Variants in RAD51B observed in about 807,000 individuals in gnomAD.
The protein encoded by RAD51B is RAD51 paralog B.
In RAD51B, 38 loss-of-function variants were observed where a neutral mutation model predicts 42.2. That is an observed-to-expected ratio of 0.90 (90% CI 0.70 to 1.18). The LOEUF is 1.18. Among genes scored for constraint, RAD51B ranks in the 50% most tolerant of loss-of-function variants. RAD51B has a pLI of 0.00. For missense variants in RAD51B, 373 were observed against 400.7 expected (o/e 0.93, Z 0.59); for synonymous variants, 154 against 145.2 (o/e 1.06, Z -0.43).
At chr14:67,854,934 C>T (rs78730769) in intron 4 of RAD51B, among the ~76,000 whole-genome samples, 2,950 of 152,328 alleles carry the variant, frequency 0.019, 44 homozygotes, top group East Asian at 0.052. Context: ...CACTGCACTT[C>T]AGCCTGGGGT....
chr14:68,631,787 A>G (rs1892233417), intron 10 of RAD51B, among the ~76,000 whole-genome samples: 2 of 151,906 alleles, frequency 1.3e-5, no homozygotes, highest in Non-Finnish European at 2.9e-5. Context: ...ACCCTTGAAG[A>G]CGCCGCTCAG....
chr14:68,067,007 C>T (rs976512278), intron 7 of RAD51B, among the ~76,000 whole-genome samples: 10 of 151,932 alleles, frequency 6.6e-5, no homozygotes, highest in Admixed American at 5.9e-4. Flanking sequence ...TGTTGCACAA[C>T]GTTGATTTAG....
chr14:68,641,449 T>A (rs1018292826), intron 10 of RAD51B, among the ~76,000 whole-genome samples: 4 of 152,080 alleles, frequency 2.6e-5, no homozygotes, highest in African/African-American at 9.7e-5. Flanking sequence ...TATTTCCTTT[T>A]CTTGTCTTAT....
intron 9 of RAD51B, among the ~76,000 whole-genome samples, chr14:68,451,488 C>T (rs1266069060): frequency 3.3e-5 from 5 of 152,210 alleles, no homozygotes; most frequent in Non-Finnish European, 7.3e-5. Context: ...AAAGTTCTAG[C>T]TCTCCTCCAT....
intron 10 of RAD51B, among the ~76,000 whole-genome samples, chr14:68,569,437 T>G (rs1284089083): frequency 1.3e-5 from 2 of 152,214 alleles, no homozygotes; most frequent in Non-Finnish European, 2.9e-5. Context: ...TGAGCGCTCT[T>G]TCTCCCCTTG....
intron 11 of RAD51B, among the ~76,000 whole-genome samples, chr14:68,665,100 G>T (rs1253025814): frequency 6.6e-6 from 1 of 152,208 alleles, no homozygotes; most frequent in African/African-American, 2.4e-5. Context: ...GACCTCTGTT[G>T]TTGGAATCTC....
At chr14:68,131,291 T>C (rs150191010) in intron 7 of RAD51B, among the ~76,000 whole-genome samples, 45 of 152,330 alleles carry the variant, frequency 3.0e-4, no homozygotes, top group Middle Eastern at 3.4e-3. Flanking sequence ...GAAGTTAATA[T>C]AAAATGACTT....
intron 7 of RAD51B, among the ~76,000 whole-genome samples, chr14:68,017,049 T>C (rs1487584898): frequency 6.6e-6 from 1 of 152,170 alleles, no homozygotes; most frequent in Non-Finnish European, 1.5e-5. Context: ...TTTTTTTCTT[T>C]AACCCTTTCT....
intron 7 of RAD51B, among the ~76,000 whole-genome samples, chr14:68,215,426 G>A (rs938126076): frequency 2.0e-5 from 3 of 152,166 alleles, no homozygotes; most frequent in Admixed American, 1.3e-4. Flanking sequence ...AGAGAGTGGT[G>A]GTGGGAACAA....
intron 7 of RAD51B, among the ~76,000 whole-genome samples, chr14:68,167,033 A>G (rs981811461): frequency 2.0e-5 from 3 of 152,160 alleles, no homozygotes; most frequent in African/African-American, 7.2e-5. Context: ...TGGTCTCATT[A>G]CAGTCTACTC....
intron 5 of RAD51B, among the ~76,000 whole-genome samples, chr14:67,872,239 G>A (rs1401699681): frequency 2.1e-5 from 3 of 141,866 alleles, no homozygotes; most frequent in Admixed American, 1.4e-4. Flanking sequence ...CTTCAGCAAA[G>A]TCTCAGGATA....
downstream of RAD51B, among the ~76,000 whole-genome samples, chr14:68,480,424 C>A (rs780400950): frequency 1.3e-5 from 2 of 152,148 alleles, no homozygotes; most frequent in South Asian, 2.1e-4. Context: ...CCTTGCAATG[C>A]GTTCATGCAA....
intron 10 of RAD51B, among the ~76,000 whole-genome samples, chr14:68,509,860 A>G (rs932721297): frequency 3.9e-5 from 6 of 152,210 alleles, no homozygotes; most frequent in Admixed American, 1.3e-4. Flanking sequence ...GCCGGATTTG[A>G]CCAGTCGGCC....
In RAD51B at chr14:68,001,217, T is replaced by C. The variant is rs1324100557; in HGVS notation, c.756+114013T>C. Among the ~76,000 whole-genome samples, 3 of 152,254 alleles carry C rather than the reference T, an allele frequency of 2.0e-5. No homozygotes were observed. The East Asian group carries it at 5.8e-4, about 29-fold the overall frequency. ...GCTTATTAAAATGGCTTGCAAACTA[T>C]CGTATATTTTCTATGGAATCATATA... On this transcript the variant is annotated intron_variant, in intron 7 of 10. Coordinates refer to ENST00000471583, the MANE Select transcript of RAD51B (RefSeq NM_133510.4).
At chr14:68,257,365 TACC>T (rs1274382550) in intron 7 of RAD51B, among the ~76,000 whole-genome samples, 1 of 152,102 alleles carries the variant, frequency 6.6e-6, no homozygotes, top group Non-Finnish European at 1.5e-5. Context: ...CTACATATTT[TACC>T]ACAATTAAAA....
chr14:68,133,022 T>G (rs1284388735), intron 7 of RAD51B, among the ~76,000 whole-genome samples: 1 of 152,000 alleles, frequency 6.6e-6, no homozygotes, highest in East Asian at 1.9e-4. Context: ...GAACTATAAT[T>G]GAGAAAAGCA....
At chr14:68,574,537 C>T (rs1889874272) in intron 10 of RAD51B, among the ~76,000 whole-genome samples, 1 of 152,166 alleles carries the variant, frequency 6.6e-6, no homozygotes, top group Admixed American at 6.5e-5. Flanking sequence ...CTTTGTCCTC[C>T]CACCCATTGC....
At chr14:68,172,309 C>T (rs2078888588) in intron 7 of RAD51B, among the ~76,000 whole-genome samples, 1 of 152,306 alleles carries the variant, frequency 6.6e-6, no homozygotes, top group Middle Eastern at 3.4e-3. Flanking sequence ...GTGTATTTGT[C>T]CCGTCCTTAC....
intron 8 of RAD51B, among the ~76,000 whole-genome samples, chr14:68,395,096 C>A (rs1371616664): frequency 6.6e-6 from 1 of 152,164 alleles, no homozygotes; most frequent in East Asian, 1.9e-4. Flanking sequence ...CCACGGCCAT[C>A]TGTTCCCTTT....
Sources: allele counts gnomAD v4.1 joint callset (sites outside exome capture counted in the v4.1 genomes callset), GRCh38; gene constraint gnomAD v4.1.1; transcripts MANE v1.5; gene names NCBI Gene and HGNC (gene_info 2026-07-23, HGNC 2026-07-21).